KLF12: variants seen among roughly 807,000 people sequenced by gnomAD.
KLF12 encodes the protein KLF transcription factor 12.
KLF12 carries 9 observed loss-of-function variants against 37.8 expected under a neutral mutation model. That is an observed-to-expected ratio of 0.24 (90% confidence interval 0.14 to 0.42). The LOEUF (loss-of-function observed/expected upper bound fraction) is 0.42. Ranked by LOEUF, KLF12 falls within the 10% of genes least tolerant of loss-of-function variation. The pLI is 1.00. For synonymous variants in KLF12, 208 were observed against 202.1 expected (o/e 1.03, Z -0.25); for missense variants, 411 against 516.0 (o/e 0.80, Z 1.97).
intron 3 of KLF12, among the ~76,000 whole-genome samples, chr13:73,869,888 T>C (rs1886381991): frequency 6.6e-6 from 1 of 152,216 alleles, no homozygotes; most frequent in African/African-American, 2.4e-5. Flanking sequence ...TGGCCCTGGC[T>C]AACTTGTCCT....
chr13:74,295,511 C>T, the KLF12 span, among the ~76,000 whole-genome samples: 1 of 152,148 alleles, frequency 6.6e-6, no homozygotes, highest in Non-Finnish European at 1.5e-5. Context: ...GATTATGCCT[C>T]TTTCAAAATA....
intron 1 of KLF12, among the ~76,000 whole-genome samples, chr13:74,007,421 G>A (rs533757169): frequency 7.6e-6 from 1 of 131,754 alleles, no homozygotes; most frequent in Non-Finnish European, 1.6e-5. Context: ...ACAGGCGCCC[G>A]CCACCACGCC....
At chr13:73,859,119 T>C (rs1885771415) in intron 3 of KLF12, among the ~76,000 whole-genome samples, 1 of 152,166 alleles carries the variant, frequency 6.6e-6, no homozygotes, top group South Asian at 2.1e-4. Context: ...TTAGGTCTTT[T>C]CTGGGGCAAG....
At chr13:73,818,466 AAT>A (rs1162578226) in intron 4 of KLF12, among the ~76,000 whole-genome samples, 1 of 152,218 alleles carries the variant, frequency 6.6e-6, no homozygotes, top group African/African-American at 2.4e-5. Context: ...CCCCTCATGT[AAT>A]AGTAGACTGA....
At chr13:73,894,801 T>C (rs1040818633) in intron 3 of KLF12, among the ~76,000 whole-genome samples, 5 of 152,174 alleles carry the variant, frequency 3.3e-5, no homozygotes, top group Admixed American at 2.6e-4. Flanking sequence ...CTGTTGACTA[T>C]GGGAAAAAAT....
the KLF12 span, among the ~76,000 whole-genome samples, chr13:74,244,990 A>G: frequency 6.6e-6 from 1 of 152,196 alleles, no homozygotes; most frequent in Non-Finnish European, 1.5e-5. Context: ...CATATTTAGG[A>G]TTTGGAAAAG....
At chr13:73,775,119 T>C (rs1880529087) in intron 5 of KLF12, among the ~76,000 whole-genome samples, 1 of 152,104 alleles carries the variant, frequency 6.6e-6, no homozygotes, top group Non-Finnish European at 1.5e-5. Context: ...GCTTTTGCCA[T>C]ATTGGCCAGG....
chr13:74,260,940 CAAA>C, the KLF12 span, among the ~76,000 whole-genome samples: 3 of 151,928 alleles, frequency 2.0e-5, no homozygotes, highest in Non-Finnish European at 2.9e-5. Context: ...ATTTTGAAAA[CAAA>C]GAAGTTCATC....
At chr13:74,127,057 T>C (rs1412177935) in intron 1 of KLF12, among the ~76,000 whole-genome samples, 3 of 152,186 alleles carry the variant, frequency 2.0e-5, no homozygotes, top group African/African-American at 7.2e-5. Flanking sequence ...CTGGAGTGCA[T>C]TGGCTCAATT....
At position 74,129,028 on chromosome 13, in the gene KLF12, A is replaced by G. The variant is rs189393054; in HGVS notation, c.-32+4711T>C. Among the ~76,000 whole-genome samples the G allele has an allele frequency of 2.0e-5, 3 of 152,318 alleles. No individual in the cohort carries two copies. In the East Asian group the frequency reaches 5.8e-4, roughly 29 times the overall value. On this transcript the variant is annotated intron_variant, in intron 1 of 7. Transcript: ENST00000377669. The stretch of plus-strand genomic sequence containing the variant: ...TATAGATATATAAGATGATGAATAT[A>G]TATGTATATACAGTATGTAGTCATT...
chr13:73,715,243 TAGA>T, intron 7 of KLF12, 122 bp downstream of exon 7: 1 of 683,386 alleles, frequency 1.5e-6, no homozygotes, highest in Non-Finnish European at 2.4e-6. Flanking sequence ...ACATTCCGCC[TAGA>T]AGGAGGGAAC....
the KLF12 span, among the ~76,000 whole-genome samples, chr13:74,167,585 T>C: frequency 2.0e-5 from 3 of 152,208 alleles, no homozygotes; most frequent in Non-Finnish European, 4.4e-5. Flanking sequence ...ATTTCAAACA[T>C]TAAGCCCGTC....
intron 5 of KLF12, among the ~76,000 whole-genome samples, chr13:73,798,128 C>T (rs1255706357): frequency 6.6e-6 from 1 of 152,048 alleles, no homozygotes. Flanking sequence ...CATCTCTTAC[C>T]AAAGAAATTA....
intron 4 of KLF12, among the ~76,000 whole-genome samples, chr13:73,820,608 A>T (rs1883467901): frequency 6.6e-6 from 1 of 152,232 alleles, no homozygotes; most frequent in South Asian, 2.1e-4. Flanking sequence ...CCATAACCCC[A>T]GATGACTATT....
At chr13:73,934,680 G>C (rs777336998) in intron 3 of KLF12, among the ~76,000 whole-genome samples, 8 of 151,998 alleles carry the variant, frequency 5.3e-5, no homozygotes, top group Non-Finnish European at 1.0e-4. Flanking sequence ...CTAGCAATTT[G>C]ATTATTCTGT....
intron 1 of KLF12, among the ~76,000 whole-genome samples, chr13:74,016,705 A>G (rs1159859578): frequency 6.6e-6 from 1 of 152,168 alleles, no homozygotes; most frequent in Admixed American, 6.6e-5. Flanking sequence ...ACAGTTACTT[A>G]GGCAAACTGT....
the KLF12 span, among the ~76,000 whole-genome samples, chr13:74,270,238 C>T: frequency 6.6e-6 from 1 of 152,054 alleles, no homozygotes; most frequent in Non-Finnish European, 1.5e-5. Context: ...ATGGCAGACT[C>T]CTAGGTAATT....
intron 1 of KLF12, among the ~76,000 whole-genome samples, chr13:74,010,818 C>G (rs148393107): frequency 2.0e-5 from 3 of 152,278 alleles, no homozygotes; most frequent in African/African-American, 7.2e-5. Context: ...TTTCTAGAAA[C>G]ATGCATTAAT....
At chr13:73,740,456 G>T (rs1189199745) in intron 6 of KLF12, among the ~76,000 whole-genome samples, 1 of 152,198 alleles carries the variant, frequency 6.6e-6, no homozygotes, top group African/African-American at 2.4e-5. Flanking sequence ...ACCTGCTTAA[G>T]CATTATCACA....
Sources: allele counts gnomAD v4.1 joint callset (sites outside exome capture counted in the v4.1 genomes callset), GRCh38; gene constraint gnomAD v4.1.1; transcripts MANE v1.5; gene names NCBI Gene and HGNC (gene_info 2026-07-23, HGNC 2026-07-21).